AP5S1: variants seen among roughly 807,000 people sequenced by gnomAD.
The protein encoded by AP5S1 is adaptor related protein complex 5 subunit sigma 1.
Under a neutral mutation model 13.9 loss-of-function variants are expected in AP5S1, and 13 were observed. The observed-to-expected ratio is 0.94, with a 90% CI of 0.61 to 1.49. AP5S1 has a LOEUF of 1.49. Among genes scored for constraint, AP5S1 ranks in the 40% most tolerant of loss-of-function variants. The pLI is 0.00. For synonymous variants in AP5S1, 132 were observed against 121.8 expected, an observed-to-expected ratio of 1.08 and a Z score of -0.55; for missense variants, 292 against 272.3, an observed-to-expected ratio of 1.07 and a Z score of -0.51.
Position 3,822,239 on chromosome 20 carries a change from A to T in AP5S1, c.122A>T (p.His41Leu), listed in dbSNP as rs777705227. The part of the protein sequence containing the change: ...AEKSPDDPRP[H>L]GAERDRLLRK... The stretch of plus-strand genomic sequence containing the variant: ...AAGTCACCTGATGACCCACGGCCGC[A>T]TGGTGCCGAGAGGGACAGGCTTCTC... Residue 41 changes from histidine to leucine, a missense_variant, in exon 2 of 3, where the codon CAT becomes CTT. By Grantham distance (99) the His-to-Leu change is moderately conservative. Transcript: ENST00000615891. 2 of 1,614,010 alleles carry T rather than the reference A, an allele frequency of 1.2e-6. No individual in the cohort carries two copies. The highest frequency in any genetic ancestry group is 1.7e-6 in the Non-Finnish European group (2 of 1,180,024).
chr20:3,824,539 C>T lies in AP5S1; in HGVS notation c.*242C>T, dbSNP rs578141801. The T allele has an allele frequency of 1.1e-4, 63 of 548,420 alleles. No individual in the cohort carries two copies. Among genetic ancestry groups the T allele is most frequent in the South Asian group, 7.4e-4 (32 of 43,176 alleles). The allele number at this position is 548,420 out of a possible 1,614,324, so 34.0% of individuals were successfully genotyped here. Reference sequence around the variant, plus strand: ...CTGTGTTACTTAGACCGCTGCCGTGCGGCAGCCACGCTTGTCCTTGAACCC... The same window carrying T: ...CTGTGTTACTTAGACCGCTGCCGTGTGGCAGCCACGCTTGTCCTTGAACCC... On this transcript the variant is annotated 3_prime_UTR_variant, in exon 3 of 3. Transcript: ENST00000615891.
At chr20:3,823,785 A>G (rs769113951) in intron 2 of AP5S1, 86 bp from the exon 3 acceptor site, 58 of 1,530,430 alleles carry the variant, frequency 3.8e-5, no homozygotes, top group Admixed American at 2.4e-4. Context: ...TATGGGGATG[A>G]TGGTAGCTCC....
intron 1 of AP5S1, among the ~76,000 whole-genome samples, chr20:3,821,533 G>A (rs2089581281): frequency 6.6e-6 from 1 of 151,868 alleles, no homozygotes; most frequent in African/African-American, 2.4e-5. Context: ...CACCATGCCC[G>A]GCTAATTTAT....
At position 3,828,825 on chromosome 20, in the gene AP5S1, A is replaced by G. The variant is rs576243125; in HGVS notation, c.*4528A>G. Reference sequence around the variant, plus strand: ...TCCAAGTTTTGGCAATTATGAATACAACTGCTACAAACATTTGTGTACAGG... The same window carrying G: ...TCCAAGTTTTGGCAATTATGAATACGACTGCTACAAACATTTGTGTACAGG... On this transcript the variant is annotated 3_prime_UTR_variant, in exon 3 of 3. Transcript: ENST00000615891. The G allele has an allele frequency of 2.6e-5, 4 of 152,232 alleles. No homozygotes were observed. The highest frequency in any genetic ancestry group is 5.9e-5 in the Non-Finnish European group (4 of 68,042). The allele number at this position is 152,232 out of a possible 1,614,324, so 9.4% of individuals were successfully genotyped here.
chr20:3,824,735 C>T lies in AP5S1; in HGVS notation c.*438C>T, dbSNP rs1215631424. The stretch of plus-strand genomic sequence containing the variant: ...ACCACCTCAGGTCGGGAGTTCAAGA[C>T]CAGCCTGGCCAACATAGTGAAACCC... On this transcript the variant is annotated 3_prime_UTR_variant, in exon 3 of 3. Transcript: ENST00000615891. 2 of 165,894 alleles carry T rather than the reference C, an allele frequency of 1.2e-5. No individual in the cohort carries two copies. The highest frequency in any genetic ancestry group is 1.8e-4 in the East Asian group (1 of 5,682). 10.3% of individuals were successfully genotyped at this position (165,894 alleles called of 1,614,324 possible).
chr20:3,821,221 G>A (rs931208399), intron 1 of AP5S1, among the ~76,000 whole-genome samples: 4 of 152,072 alleles, frequency 2.6e-5, no homozygotes, highest in Non-Finnish European at 4.4e-5. Flanking sequence ...AGGCCCATCC[G>A]TGTTTATTTT....
chr20:3,821,131 T>G (rs188302142), intron 1 of AP5S1, among the ~76,000 whole-genome samples: 2 of 152,358 alleles, frequency 1.3e-5, no homozygotes, highest in East Asian at 3.9e-4. Flanking sequence ...TTATTTCCTC[T>G]GTTTTTCTCT....
At chr20:3,822,955 C>T (rs1400669719) in intron 2 of AP5S1, among the ~76,000 whole-genome samples, 1 of 152,154 alleles carries the variant, frequency 6.6e-6, no homozygotes, top group Non-Finnish European at 1.5e-5. Context: ...CCTCCTGGAC[C>T]TCCGCATTCT....
Position 3,823,915 on chromosome 20 carries a change from G to C in AP5S1, c.221G>C (p.Arg74Pro). 1 of 1,603,468 alleles carries C rather than the reference G, an allele frequency of 6.2e-7. No individual in the cohort carries two copies. The highest frequency in any genetic ancestry group is 1.3e-5 in the African/African-American group (1 of 75,036). Reference sequence around the variant, plus strand: ...CGGCTGCAGCAGCAGGCATCTGGCCGGCCCCCCATGGACCTGCAGCCGCAA... The same window carrying C: ...CGGCTGCAGCAGCAGGCATCTGGCCCGCCCCCCATGGACCTGCAGCCGCAA... ...MCRLQQQASGRPPMDLQPQSS... is the reference protein window; with the variant it reads ...MCRLQQQASGPPPMDLQPQSS... Residue 74 changes from arginine (R) to proline (P), a missense_variant, in exon 3 of 3, where the codon CGG becomes CCG. Arg to Pro is a moderately radical substitution (Grantham distance 103). Transcript: ENST00000615891.
Position 3,824,142 on chromosome 20 carries a change from C to G in AP5S1, c.448C>G (p.Leu150Val). ...GCTGACACGCCTCCTCCTTGACCAC[C>G]TCCGGCTGCTGGCGCCCAGCACCAG... ...RLLTRLLLDHLRLLAPSTSLL... is the reference protein window; with the variant it reads ...RLLTRLLLDHVRLLAPSTSLL... Residue 150 changes from leucine to valine, a missense_variant, in exon 3 of 3, where the codon CTC (leucine) becomes GTC (valine). Physicochemically the swap from Leu to Val is conservative, Grantham distance 32. Transcript: ENST00000615891. 6.2e-7 allele frequency: 1 copy of G among 1,614,032 alleles called. No individual in the cohort carries two copies. Among genetic ancestry groups the G allele is most frequent in the South Asian group, 1.1e-5 (1 of 91,078 alleles).
chr20:3,824,428 G>T lies in AP5S1; in HGVS notation c.*131G>T. ...CAGGACAAGTGGGTGACACAAGCCT[G>T]CAGAAAGGGGGCTGGGCAGAGGGTG... On this transcript the variant is annotated 3_prime_UTR_variant, in exon 3 of 3. Transcript: ENST00000615891. The T allele has an allele frequency of 2.1e-6, 2 of 943,106 alleles. No individual in the cohort carries two copies. Among genetic ancestry groups the T allele is most frequent in the African/African-American group, 1.7e-5 (1 of 60,482 alleles). 58.4% of individuals were successfully genotyped at this position (943,106 alleles called of 1,614,324 possible).
chr20:3,820,859 G>C (rs1297150801), intron 1 of AP5S1, 101 bp downstream of exon 1: 1 of 152,270 alleles, frequency 6.6e-6, no homozygotes, highest in East Asian at 1.9e-4. Flanking sequence ...GCGGAGGTCA[G>C]CAATTGGGTG....
Position 3,824,999 on chromosome 20 carries a change from G to A in AP5S1, c.*702G>A, listed in dbSNP as rs1362316815. Reference sequence around the variant, plus strand: ...GGTCTCAGACTCCCCTGAGGGTGGAGGAGCTGTGCCTGCATGCTGGCAGGC... The same window carrying A: ...GGTCTCAGACTCCCCTGAGGGTGGAAGAGCTGTGCCTGCATGCTGGCAGGC... On this transcript the variant is annotated 3_prime_UTR_variant, in exon 3 of 3. Coordinates refer to ENST00000615891, the MANE Select transcript of AP5S1 (RefSeq NM_018347.3). The A allele has an allele frequency of 6.6e-6, 1 of 151,932 alleles. No individual in the cohort carries two copies. The highest frequency in any genetic ancestry group is 2.4e-5 in the African/African-American group (1 of 41,346). 9.4% of individuals were successfully genotyped at this position (151,932 alleles called of 1,614,324 possible). A position where few individuals can be genotyped will look rare whatever the true frequency, so the allele number is the denominator to read the frequency against.
rs1205589490 is a variant in AP5S1, at chr20:3,826,841, A to C, written c.*2544A>C. The C allele has an allele frequency of 2.6e-5, 4 of 152,278 alleles. No homozygotes were observed. The highest frequency in any genetic ancestry group is 9.6e-5 in the African/African-American group (4 of 41,466). 9.4% of individuals were successfully genotyped at this position (152,278 alleles called of 1,614,324 possible). A position where few individuals can be genotyped will look rare whatever the true frequency, so the allele number is the denominator to read the frequency against. ...GATGCTCTGCTGGGTGCAATGCAGG[A>C]TACAGAATGACCCCAAAGTTCCAGG... is the stretch of plus-strand genomic sequence containing the variant. On this transcript the variant is annotated 3_prime_UTR_variant, in exon 3 of 3. Coordinates refer to ENST00000615891, the MANE Select transcript of AP5S1 (RefSeq NM_018347.3).
Position 3,822,303 on chromosome 20 carries a change from C to T in AP5S1, c.176+10C>T, listed in dbSNP as rs1225862729. On this transcript the variant is annotated intron_variant, in intron 2 of 2. Transcript: ENST00000615891. ...TTTTAGCTGTGGCCAGGTAACCACA[C>T]AGCCCAGCCCCAGGCCTTCATTGAA... The T allele has an allele frequency of 3.1e-6, 5 of 1,612,380 alleles. No individual in the cohort carries two copies. Among genetic ancestry groups the T allele is most frequent in the Non-Finnish European group, 3.4e-6 (4 of 1,178,592 alleles).
intron 1 of AP5S1, chr20:3,821,849 T>TTTTG (rs369605203): frequency 5.6e-5 from 52 of 920,902 alleles, no homozygotes; most frequent in Non-Finnish European, 6.6e-5. Flanking sequence ...CTGAGATTTT[T>TTTTG]TTTGTTTGTT....
intron 1 of AP5S1, 29 bp from the exon 2 acceptor site, chr20:3,822,073 C>T (rs1454331830): frequency 1.2e-6 from 2 of 1,602,058 alleles, no homozygotes; most frequent in Middle Eastern, 2.1e-4. Flanking sequence ...TTCACTCTCA[C>T]CTTACCAATG....
In AP5S1 at chr20:3,827,813, G is replaced by A. The variant is rs922709097; in HGVS notation, c.*3516G>A. The stretch of plus-strand genomic sequence containing the variant: ...GTCTCACTCTGTTGCTCAGGCTGGA[G>A]TGCAGTGGTGCAATCTTGGCTCACT... On this transcript the variant is annotated 3_prime_UTR_variant, in exon 3 of 3. Transcript: ENST00000615891. The A allele has an allele frequency of 6.7e-6, 1 of 149,188 alleles. No homozygotes were observed. 9.2% of individuals were successfully genotyped at this position (149,188 alleles called of 1,614,324 possible). A position where few individuals can be genotyped will look rare whatever the true frequency, so the allele number is the denominator to read the frequency against.
In AP5S1 at chr20:3,822,204, C is replaced by T. The variant is rs769857862; in HGVS notation, c.87C>T (p.Phe29=). The T allele has an allele frequency of 1.2e-5, 19 of 1,614,178 alleles. No individual in the cohort carries two copies. Among genetic ancestry groups the T allele is most frequent in the African/African-American group, 8.0e-5 (6 of 75,052 alleles). Residue 29 remains phenylalanine, a synonymous_variant, in exon 2 of 3, where the codon TTC becomes TTT. Coordinates refer to ENST00000615891, the MANE Select transcript of AP5S1 (RefSeq NM_018347.3). The part of the protein sequence containing the change: ...GLCRVLYSCV[F]GAEKSPDDPR... ...GCCGAGTGCTGTACTCCTGCGTCTT[C>T]GGTGCTGAGAAGTCACCTGATGACC...
Sources: allele counts gnomAD v4.1 joint callset (sites outside exome capture counted in the v4.1 genomes callset), GRCh38; gene constraint gnomAD v4.1.1; transcripts MANE v1.5; gene names NCBI Gene and HGNC (gene_info 2026-07-23, HGNC 2026-07-21).